Variants in ROBO2 observed in about 807,000 individuals in gnomAD.
ROBO2 encodes the protein roundabout homolog 2.
Under a neutral mutation model 160.8 loss-of-function variants are expected in ROBO2, and 53 were observed. That is an observed-to-expected ratio of 0.33 (90% CI 0.26 to 0.41). ROBO2 has a LOEUF of 0.41. Among genes scored for constraint, ROBO2 ranks in the 10% least tolerant of loss-of-function variants. ROBO2 has a pLI of 1.00. For missense variants in ROBO2, 1,577 were observed against 1,722.4 expected (o/e 0.92, Z 1.49); for synonymous variants, 664 against 611.7 (o/e 1.09, Z -1.26).
chr3:77,254,231 A>G (rs1465153995), intron 2 of ROBO2, among the ~76,000 whole-genome samples: 2 of 152,178 alleles, frequency 1.3e-5, no homozygotes, highest in East Asian at 1.9e-4. Flanking sequence ...TTGCCACTCC[A>G]CTAGAGCCTG....
At chr3:77,214,755 G>A (rs1217554211) in intron 2 of ROBO2, among the ~76,000 whole-genome samples, 6 of 152,174 alleles carry the variant, frequency 3.9e-5, no homozygotes, top group Non-Finnish European at 5.9e-5. Context: ...TCCTTCAGGA[G>A]CTCTTTTAGG....
At chr3:76,679,018 TAA>T (rs1332378580) in intron 2 of ROBO2, among the ~76,000 whole-genome samples, 1 of 152,130 alleles carries the variant, frequency 6.6e-6, no homozygotes, top group Non-Finnish European at 1.5e-5. Context: ...CTCCACTCAT[TAA>T]GTTACATTTA....
intron 2 of ROBO2, among the ~76,000 whole-genome samples, chr3:76,330,416 T>A (rs1301383845): frequency 1.3e-5 from 2 of 152,218 alleles, no homozygotes; most frequent in South Asian, 2.1e-4. Flanking sequence ...TATTAGAGCT[T>A]TCAAATACAC....
exon 1 of ROBO2, chr3:75,906,806 A>G (rs1216442925): frequency 6.6e-6 from 1 of 152,158 alleles, no homozygotes; most frequent in Non-Finnish European, 1.5e-5. Context: ...GCTCCCAGAC[A>G]GAGAGTGGGA....
chr3:77,184,814 A>G (rs1208699603), intron 2 of ROBO2, among the ~76,000 whole-genome samples: 2 of 152,004 alleles, frequency 1.3e-5, no homozygotes, highest in Admixed American at 1.3e-4. Flanking sequence ...TGCGTCTTTT[A>G]TGTATACAAT....
intron 2 of ROBO2, among the ~76,000 whole-genome samples, chr3:77,031,683 G>A (rs1346326183): frequency 1.4e-5 from 2 of 144,776 alleles, no homozygotes; most frequent in African/African-American, 5.0e-5. Flanking sequence ...TAAATTTAAT[G>A]TAATTAATTA....
At chr3:77,600,281 C>G (rs2094404725) in intron 19 of ROBO2, among the ~76,000 whole-genome samples, 1 of 152,140 alleles carries the variant, frequency 6.6e-6, no homozygotes, top group South Asian at 2.1e-4. Flanking sequence ...TATTTCGATG[C>G]TAGAATACAA....
rs554926836 is a variant in ROBO2, at chr3:76,545,592, C to T, written c.110-552422C>T. Reference sequence around the variant, plus strand: ...TAATTTTTTATGTTCTAATCATGTTCAGTTACAGCCTTAACTTTGACTCTC... The same window carrying T: ...TAATTTTTTATGTTCTAATCATGTTTAGTTACAGCCTTAACTTTGACTCTC... On this transcript the variant is annotated intron_variant, in intron 2 of 26. Transcript: ENST00000487694. Among the ~76,000 whole-genome samples, 4 of 152,016 alleles carry T rather than the reference C, an allele frequency of 2.6e-5. No homozygotes were observed. In the East Asian group the frequency reaches 7.7e-4, roughly 29 times the overall value.
At chr3:77,503,616 G>C (rs888931626) in intron 5 of ROBO2, among the ~76,000 whole-genome samples, 1 of 151,648 alleles carries the variant, frequency 6.6e-6, no homozygotes, top group African/African-American at 2.4e-5. Flanking sequence ...TAAATCAATA[G>C]GTACTAAGAG....
At chr3:77,646,325 C>T (rs2095412496) in exon 26 of ROBO2, 1 of 358,276 alleles carries the variant, frequency 2.8e-6, no homozygotes, top group Admixed American at 4.6e-5. Flanking sequence ...AAAGGATTCT[C>T]CTCTGTATAT....
At chr3:76,991,347 A>G (rs2060655940) in intron 2 of ROBO2, among the ~76,000 whole-genome samples, 1 of 152,230 alleles carries the variant, frequency 6.6e-6, no homozygotes, top group Admixed American at 6.5e-5. Flanking sequence ...CTAAACTACT[A>G]AATTATGAGT....
intron 2 of ROBO2, among the ~76,000 whole-genome samples, chr3:77,416,033 G>A (rs534622361): frequency 2.4e-4 from 37 of 152,292 alleles, no homozygotes; most frequent in Admixed American, 9.1e-4. Flanking sequence ...GGTGGGTTCC[G>A]TGTTCTTGTC....
At chr3:75,948,977 A>T (rs923012876) in intron 2 of ROBO2, among the ~76,000 whole-genome samples, 2 of 152,096 alleles carry the variant, frequency 1.3e-5, no homozygotes, top group African/African-American at 4.8e-5. Flanking sequence ...ATTACTGTTT[A>T]GTTTGAAATA....
chr3:76,574,873 A>G (rs1181520095), intron 2 of ROBO2, among the ~76,000 whole-genome samples: 1 of 152,114 alleles, frequency 6.6e-6, no homozygotes, highest in African/African-American at 2.4e-5. Flanking sequence ...ATGGACAGTA[A>G]TTGGAGGAAC....
intron 2 of ROBO2, among the ~76,000 whole-genome samples, chr3:76,560,656 T>A (rs2084115348): frequency 6.7e-6 from 1 of 150,326 alleles, no homozygotes; most frequent in Admixed American, 6.6e-5. Context: ...CTCACATTAC[T>A]GACTCCCGGT....
At chr3:76,579,786 C>CAA (rs5850267) in intron 2 of ROBO2, among the ~76,000 whole-genome samples, 4 of 107,128 alleles carry the variant, frequency 3.7e-5, no homozygotes, top group South Asian at 3.0e-4. Context: ...GGTTGAGTTA[C>CAA]AAAAAAAAAA....
At chr3:76,342,039 G>T (rs942221249) in intron 2 of ROBO2, among the ~76,000 whole-genome samples, 3 of 152,154 alleles carry the variant, frequency 2.0e-5, no homozygotes, top group Non-Finnish European at 4.4e-5. Context: ...ATGAAACAGT[G>T]TTTACAGACA....
At position 77,349,104 on chromosome 3, in the gene ROBO2, T is replaced by A. The variant is rs566673248; in HGVS notation, c.389-128310T>A. Among the ~76,000 whole-genome samples the A allele has an allele frequency of 4.6e-5, 7 of 152,218 alleles. No individual in the cohort carries two copies. The South Asian group carries it at 1.5e-3, about 32-fold the overall frequency. ...GTGTGAGAAGGTATTTTTGTCTGCT[T>A]TTTTCTCACTGCCAGTGCTAGATGA... On this transcript the variant is annotated intron_variant, in intron 2 of 25. Coordinates refer to ENST00000461745, the Ensembl canonical transcript of ROBO2.
rs901515088 is a variant in ROBO2, at chr3:76,385,838, C to T, written c.109+448236C>T. 3.3e-5 allele frequency among the ~76,000 whole-genome samples: 5 copies of T among 152,116 alleles called. No homozygotes were observed. The South Asian group carries it at 6.2e-4, about 19-fold the overall frequency. On this transcript the variant is annotated intron_variant, in intron 2 of 26. Transcript: ENST00000487694. ...TTTAGTTCATTAACATATTTATATC[C>T]CTTCTGCAATGTGACTATTCATTTT...
Sources: gnomAD v4.1 joint callset for allele counts (sites outside exome capture counted in the v4.1 genomes callset) on GRCh38, gnomAD v4.1.1 for gene constraint, MANE v1.5 for transcripts, NCBI Gene and HGNC (gene_info 2026-07-23, HGNC 2026-07-21) for gene names.